SLC14A2: variants seen among roughly 807,000 people sequenced by gnomAD.
SLC14A2 encodes solute carrier family 14 member 2.
Under a neutral mutation model 104.6 loss-of-function variants are expected in SLC14A2, and 91 were observed. The observed-to-expected ratio is 0.87, with a 90% CI of 0.73 to 1.04. SLC14A2 has a LOEUF of 1.04. SLC14A2 is among the 50% of genes least tolerant of loss of function. The probability of loss-of-function intolerance (pLI) is 0.00; values close to 1 mark genes in which losing one functional copy is unlikely to be tolerated. For synonymous variants in SLC14A2, 476 were observed against 466.4 expected (o/e 1.02, Z -0.27); for missense variants, 1,189 against 1,156.0 (o/e 1.03, Z -0.41).
At chr18:45,675,963 C>CAG (rs2046224241) in intron 18 of SLC14A2, among the ~76,000 whole-genome samples, 1 of 151,814 alleles carries the variant, frequency 6.6e-6, no homozygotes, top group Non-Finnish European at 1.5e-5. Flanking sequence ...AGAACAGCCC[C>CAG]ACTGGAATTA....
chr18:45,206,975 GT>G, the SLC14A2 span, among the ~76,000 whole-genome samples: 3 of 152,196 alleles, frequency 2.0e-5, no homozygotes, highest in African/African-American at 4.8e-5. Context: ...TATTGCCCCA[GT>G]AGGACATGGA....
At chr18:45,351,215 G>A (rs2085500234) in intron 1 of SLC14A2, among the ~76,000 whole-genome samples, 1 of 152,112 alleles carries the variant, frequency 6.6e-6, no homozygotes. Flanking sequence ...ATATGAGGTG[G>A]TAGAAAAATC....
chr18:45,429,684 C>T (rs1050172231), intron 1 of SLC14A2, among the ~76,000 whole-genome samples: 1 of 152,138 alleles, frequency 6.6e-6, no homozygotes, highest in African/African-American at 2.4e-5. Context: ...TAGTCTTTGA[C>T]AAGAGTCCAG....
chr18:45,427,051 G>A (rs1359601061), intron 1 of SLC14A2, among the ~76,000 whole-genome samples: 1 of 151,988 alleles, frequency 6.6e-6, no homozygotes, highest in African/African-American at 2.4e-5. Flanking sequence ...TGGCTTATTT[G>A]ACCCAGTTAA....
At chr18:45,315,290 G>A (rs546577042) in intron 1 of SLC14A2, among the ~76,000 whole-genome samples, 1 of 152,156 alleles carries the variant, frequency 6.6e-6, no homozygotes, top group African/African-American at 2.4e-5. Flanking sequence ...TCTGATTCCA[G>A]TTGTGGTCTA....
the SLC14A2 span, among the ~76,000 whole-genome samples, chr18:45,189,353 A>G: frequency 6.6e-6 from 1 of 152,152 alleles, no homozygotes; most frequent in Non-Finnish European, 1.5e-5. Flanking sequence ...TGTTCTTATG[A>G]GGGTTGAATG....
At chr18:45,565,712 C>G (rs1288129959) in intron 2 of SLC14A2, among the ~76,000 whole-genome samples, 1 of 152,228 alleles carries the variant, frequency 6.6e-6, no homozygotes, top group Non-Finnish European at 1.5e-5. Flanking sequence ...TACCCACATA[C>G]AGCCAGGGCT....
chr18:45,185,071 G>C, the SLC14A2 span, among the ~76,000 whole-genome samples: 28 of 152,336 alleles, frequency 1.8e-4, no homozygotes, highest in African/African-American at 6.5e-4. Context: ...GCATCAATGA[G>C]TGGAGAGCCA....
chr18:45,356,714 T>A lies in SLC14A2; in HGVS notation c.-124-126519T>A, dbSNP rs539785634. ...AGAGGTGCTCAAACATGGCTGGCGG[T>A]TACTAGAATTAGCCCAGAAGCTTTT... On this transcript the variant is annotated intron_variant, in intron 1 of 20. Coordinates refer to the SLC14A2 transcript ENST00000586448. Among the ~76,000 whole-genome samples the A allele has an allele frequency of 7.6e-4, 116 of 152,288 alleles. 1 individual carries two copies. The highest frequency in any genetic ancestry group is 7.1e-3 in the South Asian group (34 of 4,814).
chr18:45,616,229 A>G (rs1427939107), intron 1 of SLC14A2, among the ~76,000 whole-genome samples: 1 of 152,126 alleles, frequency 6.6e-6, no homozygotes, highest in African/African-American at 2.4e-5. Flanking sequence ...CATTACCCCT[A>G]CGTAATAGGT....
At chr18:45,193,632 G>A in the SLC14A2 span, among the ~76,000 whole-genome samples, 4 of 152,134 alleles carry the variant, frequency 2.6e-5, no homozygotes, top group Admixed American at 2.6e-4. Flanking sequence ...AATATACCTT[G>A]AAATCAGGTA....
intron 1 of SLC14A2, among the ~76,000 whole-genome samples, chr18:45,247,356 G>A (rs967613050): frequency 7.9e-5 from 12 of 152,240 alleles, no homozygotes; most frequent in Admixed American, 4.6e-4. Context: ...AGCAAGTAAT[G>A]TTGAAGAAAT....
At chr18:45,452,834 G>A (rs572842496) in intron 1 of SLC14A2, among the ~76,000 whole-genome samples, 6 of 152,306 alleles carry the variant, frequency 3.9e-5, no homozygotes, top group Non-Finnish European at 7.4e-5. Flanking sequence ...CTTAGCTGAG[G>A]TTGAAAGTGG....
intron 2 of SLC14A2, among the ~76,000 whole-genome samples, chr18:45,505,958 G>A (rs539782597): frequency 1.3e-5 from 2 of 152,206 alleles, no homozygotes; most frequent in East Asian, 1.9e-4. Flanking sequence ...GGGGAGGAAG[G>A]GCCAAGCTGA....
Position 45,415,212 on chromosome 18 carries a change from CTT to C in SLC14A2, c.-124-68019_-124-68018del, listed in dbSNP as rs1308714445. Among the ~76,000 whole-genome samples, 7 of 152,224 alleles carry C rather than the reference CTT, an allele frequency of 4.6e-5. No homozygotes were observed. The East Asian group carries it at 1.2e-3, about 25-fold the overall frequency. On this transcript the variant is annotated intron_variant, in intron 1 of 20. Transcript: ENST00000586448. The stretch of plus-strand genomic sequence containing the variant: ...GAAGCCCCCAAGTCTTGTAGTTACT[CTT>C]TACTGCAGACTAGTAAAGAAACATG...
At chr18:45,396,627 G>GTTTTTTTTTTTTTTTTTTTTTTTTT (rs770748424) in intron 1 of SLC14A2, among the ~76,000 whole-genome samples, 2 of 120,684 alleles carry the variant, frequency 1.7e-5, no homozygotes, top group South Asian at 2.5e-4. Flanking sequence ...GTTTTTTTTT[G>GTTTTTTTTTTTTTTTTTTTTTTTTT]TTTTTGTTTT....
At chr18:45,308,780 G>A (rs1274199749) in intron 1 of SLC14A2, among the ~76,000 whole-genome samples, 1 of 152,140 alleles carries the variant, frequency 6.6e-6, no homozygotes, top group Non-Finnish European at 1.5e-5. Context: ...TTTGATTCAG[G>A]ATTTTCTTTC....
chr18:45,418,914 C>G (rs531024235), intron 1 of SLC14A2, among the ~76,000 whole-genome samples: 9 of 152,052 alleles, frequency 5.9e-5, no homozygotes, highest in African/African-American at 2.2e-4. Flanking sequence ...AGGGTCCACT[C>G]CTGGTGCAAG....
At chr18:45,285,430 T>C (rs2084803687) in intron 1 of SLC14A2, among the ~76,000 whole-genome samples, 1 of 152,182 alleles carries the variant, frequency 6.6e-6, no homozygotes, top group Non-Finnish European at 1.5e-5. Flanking sequence ...GATTAAATTT[T>C]TTTTTTGAGA....
Sources: allele counts gnomAD v4.1 joint callset (sites outside exome capture counted in the v4.1 genomes callset), GRCh38; gene constraint gnomAD v4.1.1; transcripts MANE v1.5; gene names NCBI Gene and HGNC (gene_info 2026-07-23, HGNC 2026-07-21).